Variants in RASGEF1C observed in about 807,000 individuals in gnomAD.
The protein encoded by RASGEF1C is ras-GEF domain-containing family member 1C.
RASGEF1C carries 27 observed loss-of-function variants against 58.1 expected under a neutral mutation model. The observed-to-expected ratio is 0.46, with a 90% CI of 0.34 to 0.64. RASGEF1C has a LOEUF of 0.64. RASGEF1C is among the 30% of genes least tolerant of loss of function. RASGEF1C has a pLI of 0.01. For synonymous variants in RASGEF1C, 243 were observed against 246.3 expected (o/e 0.99, Z 0.13); for missense variants, 502 against 605.1 (o/e 0.83, Z 1.79).
chr5:180,201,080 A>G (rs1445957526), intron 1 of RASGEF1C, among the ~76,000 whole-genome samples: 1 of 152,208 alleles, frequency 6.6e-6, no homozygotes, highest in Non-Finnish European at 1.5e-5. Context: ...CCTGGGTGAC[A>G]GAGCGAGACC....
Position 180,169,903 on chromosome 5 carries a change from C to G in RASGEF1C, c.-6-31845G>C, listed in dbSNP as rs577182374. ...GGGGCTGCGTGTTTGCTGTCCTCCC[C>G]CTGGGCTCCCTGCTCCAGGCCTCCG... On this transcript the variant is annotated intron_variant, in intron 1 of 13. Coordinates refer to ENST00000361132, the MANE Select transcript of RASGEF1C (RefSeq NM_175062.4). Among the ~76,000 whole-genome samples, 12 of 152,198 alleles carry G rather than the reference C, an allele frequency of 7.9e-5. No individual in the cohort carries two copies. In the South Asian group the frequency reaches 1.0e-3, roughly 13 times the overall value.
At position 180,196,324 on chromosome 5, in the gene RASGEF1C, A is replaced by G. The variant is rs561293997; in HGVS notation, c.-7+12704T>C. On this transcript the variant is annotated intron_variant, in intron 1 of 13. Transcript: ENST00000361132. Reference sequence around the variant, plus strand: ...AGACCAGCCTGGCCAACATGGTGAAACCCCATCTCTACCAAAAATATAAAA... The same window carrying G: ...AGACCAGCCTGGCCAACATGGTGAAGCCCCATCTCTACCAAAAATATAAAA... Among the ~76,000 whole-genome samples, 9 of 152,070 alleles carry G rather than the reference A, an allele frequency of 5.9e-5. No homozygotes were observed. In the South Asian group the frequency reaches 1.5e-3, roughly 25 times the overall value.
intron 4 of RASGEF1C, 70 bp downstream of exon 4, chr5:180,136,308 G>T: frequency 2.1e-6 from 3 of 1,459,744 alleles, no homozygotes; most frequent in South Asian, 1.3e-5. Flanking sequence ...CCTGGGGTGC[G>T]GGCCGGGAAC....
Position 180,168,219 on chromosome 5 carries a change from T to C in RASGEF1C, c.-6-30161A>G, listed in dbSNP as rs1395869346. ...GCTGAGGTGGGCAGATCACCTGAGG[T>C]CAGGAGTTCGAGACCAGCCTGATCA... is the stretch of plus-strand genomic sequence containing the variant. On this transcript the variant is annotated intron_variant, in intron 1 of 13. Coordinates refer to ENST00000361132, the MANE Select transcript of RASGEF1C (RefSeq NM_175062.4). The surrounding 1 kb of genome is among the most constrained non-coding windows in gnomAD (Gnocchi z 6.0). 6.6e-6 allele frequency among the ~76,000 whole-genome samples: 1 copy of C among 151,958 alleles called. No homozygotes were observed. The highest frequency in any genetic ancestry group is 1.9e-4 in the East Asian group (1 of 5,176).
intron 10 of RASGEF1C, among the ~76,000 whole-genome samples, chr5:180,115,679 T>C (rs1485049809): frequency 1.3e-5 from 2 of 152,224 alleles, no homozygotes; most frequent in Admixed American, 6.5e-5. Context: ...TTACTTTCCA[T>C]CTTTACATGG....
At chr5:180,114,624 T>C (rs896482562) in intron 10 of RASGEF1C, 83 bp from the exon 11 acceptor site, 3 of 1,343,832 alleles carry the variant, frequency 2.2e-6, no homozygotes, top group Non-Finnish European at 3.1e-6. Flanking sequence ...TGCCAGCAGA[T>C]AGCTGCCCCA....
At chr5:180,133,343 C>T (rs1766402295) in intron 4 of RASGEF1C, among the ~76,000 whole-genome samples, 1 of 152,098 alleles carries the variant, frequency 6.6e-6, no homozygotes, top group Non-Finnish European at 1.5e-5. Flanking sequence ...TGGGAGTGGG[C>T]GGGGGAAAGA....
At chr5:180,195,358 G>A (rs1756246905) in intron 1 of RASGEF1C, among the ~76,000 whole-genome samples, 1 of 152,158 alleles carries the variant, frequency 6.6e-6, no homozygotes, top group Non-Finnish European at 1.5e-5. Context: ...CGGACCAACA[G>A]GAGGTGTATG....
intron 12 of RASGEF1C, among the ~76,000 whole-genome samples, chr5:180,105,463 G>C (rs1207350293): frequency 6.6e-6 from 1 of 152,018 alleles, no homozygotes; most frequent in African/African-American, 2.4e-5. Context: ...TCGGGAGGCT[G>C]AGGCAGGAGA....
intron 1 of RASGEF1C, among the ~76,000 whole-genome samples, chr5:180,154,568 G>A (rs1237252572): frequency 1.4e-5 from 2 of 147,742 alleles, no homozygotes; most frequent in African/African-American, 2.5e-5. Flanking sequence ...GGTGGACTGG[G>A]CTGGACTCTG....
At position 180,122,324 on chromosome 5, in the gene RASGEF1C, GA is replaced by G. The variant is rs964720927; in HGVS notation, c.715-1176del. Among the ~76,000 whole-genome samples the G allele has an allele frequency of 2.0e-4, 30 of 152,200 alleles. 1 individual carries two copies. Among genetic ancestry groups the G allele is most frequent in the African/African-American group, 7.2e-4 (30 of 41,496 alleles). On this transcript the variant is annotated intron_variant, in intron 6 of 13. Coordinates refer to ENST00000361132, the MANE Select transcript of RASGEF1C (RefSeq NM_175062.4). ...TATATATTCCCATGCCTTGCTATGC[GA>G]ACCTTTCCCTGTGCCATAACATATC...
intron 10 of RASGEF1C, 34 bp downstream of exon 10, chr5:180,118,575 G>A (rs1766109976): frequency 6.4e-7 from 1 of 1,558,268 alleles, no homozygotes; most frequent in Non-Finnish European, 8.7e-7. Context: ...GTTCCCTGCT[G>A]CAGCCCCCCT....
chr5:180,169,703 G>A (rs1767072953), intron 1 of RASGEF1C, among the ~76,000 whole-genome samples: 2 of 152,036 alleles, frequency 1.3e-5, no homozygotes, highest in African/African-American at 2.4e-5. Flanking sequence ...ACAGCGTGGG[G>A]ACTTGGTCTG....
At chr5:180,195,748 G>C (rs1403197054) in intron 1 of RASGEF1C, among the ~76,000 whole-genome samples, 1 of 151,228 alleles carries the variant, frequency 6.6e-6, no homozygotes, top group Non-Finnish European at 1.5e-5. Flanking sequence ...CTGGGCGACA[G>C]AGCGAGACTC....
At chr5:180,182,820 C>G (rs963881966) in intron 1 of RASGEF1C, among the ~76,000 whole-genome samples, 4 of 152,222 alleles carry the variant, frequency 2.6e-5, no homozygotes, top group African/African-American at 9.7e-5. Context: ...CTGGCTTCAC[C>G]TCTCACTATC....
chr5:180,126,170 G>T (rs942587293), intron 6 of RASGEF1C, among the ~76,000 whole-genome samples: 2 of 152,234 alleles, frequency 1.3e-5, no homozygotes, highest in Admixed American at 1.3e-4. Context: ...CACTTTGGGA[G>T]GCCGAGGCGG....
At chr5:180,132,392 C>T (rs1160235166) in intron 4 of RASGEF1C, among the ~76,000 whole-genome samples, 8 of 152,252 alleles carry the variant, frequency 5.3e-5, no homozygotes, top group Non-Finnish European at 8.8e-5. Flanking sequence ...GGGCATTTCA[C>T]AGCTGGAACC....
chr5:180,206,364 C>A (rs978294150), intron 1 of RASGEF1C, among the ~76,000 whole-genome samples: 1 of 152,158 alleles, frequency 6.6e-6, no homozygotes, highest in Non-Finnish European at 1.5e-5. Flanking sequence ...GATTCCAAAT[C>A]TATGTGAAAA....
In RASGEF1C at chr5:180,138,077, G is replaced by A. The variant is rs746600452; in HGVS notation, c.-6-19C>T. 20 of 1,427,958 alleles carry A rather than the reference G, an allele frequency of 1.4e-5. No homozygotes were observed. Among genetic ancestry groups the A allele is most frequent in the Admixed American group, 7.6e-5 (3 of 39,338 alleles). 88.5% of individuals were successfully genotyped at this position (1,427,958 alleles called of 1,614,324 possible). On this transcript the variant is annotated intron_variant, in intron 1 of 13. Coordinates refer to ENST00000361132, the MANE Select transcript of RASGEF1C (RefSeq NM_175062.4). ...TGTCTGCCTGCAATGGCAAGGAGCA[G>A]TGAGGACCTGAGTGGGGGCACACCT... is the stretch of plus-strand genomic sequence containing the variant.
Sources: allele counts gnomAD v4.1 joint callset (sites outside exome capture counted in the v4.1 genomes callset), GRCh38; gene constraint gnomAD v4.1.1; non-coding constraint Gnocchi (gnomAD v3.1); transcripts MANE v1.5; gene names NCBI Gene and HGNC (gene_info 2026-07-23, HGNC 2026-07-21).